The following PARD3B variants were observed in gnomAD, a reference collection of about 807,000 sequenced individuals.
PARD3B encodes partitioning defective 3 homolog B.
A neutral mutation model predicts 130.2 loss-of-function variants in PARD3B; 103 were observed. The ratio of observed to expected loss-of-function variants is 0.79; its 90% confidence interval spans 0.67 to 0.93. PARD3B has a LOEUF of 0.93. PARD3B is among the 40% of genes least tolerant of loss of function. The probability of loss-of-function intolerance (pLI) is 0.00; values close to 1 mark genes in which losing one functional copy is unlikely to be tolerated. For synonymous variants in PARD3B, 583 were observed against 553.2 expected (o/e 1.05, Z -0.76); for missense variants, 1,609 against 1,499.2 (o/e 1.07, Z -1.21).
intron 2 of PARD3B, among the ~76,000 whole-genome samples, chr2:204,949,067 C>T (rs1324797661): frequency 6.6e-6 from 1 of 152,134 alleles, no homozygotes; most frequent in African/African-American, 2.4e-5. Flanking sequence ...CTTCCTCATA[C>T]TCAGAGATGT....
At chr2:204,848,775 C>G (rs1052553424) in intron 2 of PARD3B, among the ~76,000 whole-genome samples, 1 of 151,894 alleles carries the variant, frequency 6.6e-6, no homozygotes, top group African/African-American at 2.4e-5. Context: ...TATGTGCTTG[C>G]TAACTTCCTG....
intron 2 of PARD3B, among the ~76,000 whole-genome samples, chr2:204,941,274 T>C (rs1688879637): frequency 6.6e-6 from 1 of 152,134 alleles, no homozygotes; most frequent in South Asian, 2.1e-4. Context: ...TTCAGGAGGC[T>C]GAGGGAGGAG....
rs1263302728 is a variant in PARD3B at position 205,562,919 on chromosome 2, TA to T, written c.3260+9517del. Among the ~76,000 whole-genome samples the T allele has an allele frequency of 6.6e-6, 1 of 152,206 alleles. No individual in the cohort carries two copies. Among genetic ancestry groups the T allele is most frequent in the East Asian group, 1.9e-4 (1 of 5,204 alleles). The stretch of plus-strand genomic sequence containing the variant: ...CTGGGTTTGCTGTGTATAGGTATCT[TA>T]GTATCAACCTACTATAGACAGAGAC... On this transcript the variant is annotated intron_variant, in intron 22 of 22. Transcript: ENST00000406610. The surrounding 1 kb of genome is among the most constrained non-coding windows in gnomAD (Gnocchi z 5.4).
At chr2:205,166,688 A>G (rs571202762) in intron 11 of PARD3B, among the ~76,000 whole-genome samples, 1 of 152,288 alleles carries the variant, frequency 6.6e-6, no homozygotes, top group Non-Finnish European at 1.5e-5. Flanking sequence ...CAAAAAATGC[A>G]GTAGACAGAT....
At chr2:205,565,072 A>G (rs1209208716) in intron 22 of PARD3B, among the ~76,000 whole-genome samples, 1 of 152,216 alleles carries the variant, frequency 6.6e-6, no homozygotes. Flanking sequence ...CAACTTGGTC[A>G]TTGCTTGAAA....
chr2:205,358,789 C>T (rs1005151157), intron 18 of PARD3B, among the ~76,000 whole-genome samples: 2 of 152,170 alleles, frequency 1.3e-5, no homozygotes, highest in Non-Finnish European at 2.9e-5. Flanking sequence ...CCTACCACCT[C>T]GGTGGCATTT....
rs146630137 is a variant in PARD3B, at chr2:205,523,416, G to A, written c.3180+23385G>A. Among the ~76,000 whole-genome samples the A allele has an allele frequency of 6.6e-3, 1,006 of 151,512 alleles. 13 individuals are homozygous for A. The highest frequency in any genetic ancestry group is 0.023 in the African/African-American group (943 of 41,332). The stretch of plus-strand genomic sequence containing the variant: ...CCACCACCATGCCCAACTAATTTTT[G>A]TCTTTTTAATAGAGACGGGGTTTCA... On this transcript the variant is annotated intron_variant, in intron 21 of 22. Coordinates refer to ENST00000406610, the MANE Select transcript of PARD3B (RefSeq NM_001302769.2).
At chr2:204,830,004 A>C (rs1352173832) in intron 2 of PARD3B, among the ~76,000 whole-genome samples, 3 of 150,198 alleles carry the variant, frequency 2.0e-5, no homozygotes, top group Non-Finnish European at 3.0e-5. Context: ...GTCTCAAAAA[A>C]AAAAAAAAAA....
intron 16 of PARD3B, among the ~76,000 whole-genome samples, chr2:205,279,885 A>G (rs74886676): frequency 0.035 from 5,364 of 152,306 alleles, 108 homozygotes; most frequent in Middle Eastern, 0.058. Flanking sequence ...CTGAAATCCA[A>G]GATTACTCCC....
intron 10 of PARD3B, among the ~76,000 whole-genome samples, chr2:205,143,581 G>A (rs1261495651): frequency 6.6e-6 from 1 of 152,124 alleles, no homozygotes; most frequent in Non-Finnish European, 1.5e-5. Flanking sequence ...CCCTTGTCCT[G>A]CTTTTCTATA....
At chr2:205,203,602 A>G (rs1363026505) in intron 15 of PARD3B, among the ~76,000 whole-genome samples, 1 of 151,458 alleles carries the variant, frequency 6.6e-6, no homozygotes, top group East Asian at 1.9e-4. Flanking sequence ...TCCCTCCCCT[A>G]TGCTCCCACC....
At chr2:205,353,841 G>T (rs2044081980) in intron 18 of PARD3B, among the ~76,000 whole-genome samples, 1 of 151,998 alleles carries the variant, frequency 6.6e-6, no homozygotes, top group African/African-American at 2.4e-5. Flanking sequence ...CATTTATAAA[G>T]TGCTTTACAG....
In PARD3B at chr2:205,011,971, C is replaced by T. The variant is rs1048596225; in HGVS notation, c.395-35610C>T. On this transcript the variant is annotated intron_variant, in intron 3 of 22. Transcript: ENST00000406610. The surrounding 1 kb of genome is among the most constrained non-coding windows in gnomAD (Gnocchi z 4.1). ...GAGGAATGGAAATGGGCCAAGGCCT[C>T]GTTGGGCATTTTACAGGCTTTCTAC... Among the ~76,000 whole-genome samples, 1 of 152,120 alleles carries T rather than the reference C, an allele frequency of 6.6e-6. No individual in the cohort carries two copies. The highest frequency in any genetic ancestry group is 2.4e-5 in the African/African-American group (1 of 41,418).
chr2:205,014,337 G>A (rs1233375698), intron 3 of PARD3B, among the ~76,000 whole-genome samples: 6 of 152,230 alleles, frequency 3.9e-5, no homozygotes, highest in African/African-American at 1.4e-4. Context: ...GTGATCCTGA[G>A]GTCTGACTGT....
At chr2:204,895,080 G>A (rs955635226) in intron 2 of PARD3B, among the ~76,000 whole-genome samples, 1 of 152,032 alleles carries the variant, frequency 6.6e-6, no homozygotes, top group East Asian at 1.9e-4. Context: ...TAATTCAAGT[G>A]TACATGGAGC....
intron 2 of PARD3B, among the ~76,000 whole-genome samples, chr2:204,723,024 A>T (rs1278225448): frequency 6.6e-6 from 1 of 152,114 alleles, no homozygotes; most frequent in Non-Finnish European, 1.5e-5. Flanking sequence ...CTGGGAGGTG[A>T]TTGGTTGATA....
chr2:205,067,095 CTTTTTTTTTTTTTT>C lies in PARD3B; in HGVS notation c.504+19421_504+19434del, dbSNP rs10672449. On this transcript the variant is annotated intron_variant, in intron 4 of 22. Transcript: ENST00000406610. ...GCATCTTGCATCCACTTTTACTAGGCTTTTTTTTTTTTTTTTTTTTTTTTTTTTTGGTTTATAGG... is the reference window on the plus strand; with the variant it reads ...GCATCTTGCATCCACTTTTACTAGGCTTTTTTTTTTTTTTTGGTTTATAGG... Among the ~76,000 whole-genome samples the C allele has an allele frequency of 1.1e-3, 63 of 59,712 alleles. 2 individuals are homozygous for C. Among genetic ancestry groups the C allele is most frequent in the African/African-American group, 3.9e-3 (54 of 13,682 alleles). The allele number at this position is 59,712 out of a possible 152,430, so 39.2% of individuals were successfully genotyped here.
chr2:205,185,894 C>T lies in PARD3B; in HGVS notation c.2024+31C>T, dbSNP rs1186242426. 6 of 1,553,226 alleles carry T rather than the reference C, an allele frequency of 3.9e-6. No homozygotes were observed. The African/African-American group carries it at 6.8e-5, about 18-fold the overall frequency. On this transcript the variant is annotated intron_variant, in intron 14 of 22. Transcript: ENST00000406610. Reference sequence around the variant, plus strand: ...GATAAAATGATGTATCGTAAATGCTCCTTGTTATTGTTTTTCTGGGAGAAC... The same window carrying T: ...GATAAAATGATGTATCGTAAATGCTTCTTGTTATTGTTTTTCTGGGAGAAC...
intron 2 of PARD3B, among the ~76,000 whole-genome samples, chr2:204,921,811 G>A (rs559200599): frequency 4.5e-4 from 69 of 152,148 alleles, no homozygotes; most frequent in African/African-American, 1.6e-3. Context: ...ATCAAATAGG[G>A]GACTATTGCA....
Sources: allele counts gnomAD v4.1 joint callset (sites outside exome capture counted in the v4.1 genomes callset), GRCh38; gene constraint gnomAD v4.1.1; non-coding constraint Gnocchi (gnomAD v3.1); transcripts MANE v1.5; gene names NCBI Gene and HGNC (gene_info 2026-07-23, HGNC 2026-07-21).